SLC35G1: variants seen among roughly 807,000 people sequenced by gnomAD.
SLC35G1 encodes partner of STIM1.
SLC35G1 carries 10 observed loss-of-function variants against 17.1 expected under a neutral mutation model. The observed-to-expected ratio is 0.59, with a 90% CI of 0.36 to 0.99. The LOEUF is 0.99. Ranked by LOEUF, SLC35G1 falls within the 50% of genes least tolerant of loss-of-function variation. The pLI, the probability that SLC35G1 is intolerant of heterozygous loss-of-function variation, is 0.01. For missense variants in SLC35G1, 433 were observed against 468.4 expected (o/e 0.92, Z 0.70); for synonymous variants, 185 against 181.1 (o/e 1.02, Z -0.18).
At chr10:93,909,204 A>G in exon 3 of SLC35G1, 1 of 152,174 alleles carries the variant, frequency 6.6e-6, no homozygotes, top group Non-Finnish European at 1.5e-5. Flanking sequence ...TATTTTCATT[A>G]TATTGATGAG....
rs1224858561 is a variant in SLC35G1 at position 93,901,658 on chromosome 10, CTGTT to C, written c.*171_*174del. ...ATGTCTTTAGTTAAGAATAGCTAGTCTGTTTGGTGTAACAATTTTTTGGTAGCTT... is the reference window on the plus strand; with the variant it reads ...ATGTCTTTAGTTAAGAATAGCTAGTCTGGTGTAACAATTTTTTGGTAGCTT... On this transcript the variant is annotated 3_prime_UTR_variant, in exon 3 of 3. Coordinates refer to ENST00000427197, the MANE Select transcript of SLC35G1 (RefSeq NM_001134658.3). The C allele has an allele frequency of 8.1e-6, 6 of 743,982 alleles. No individual in the cohort carries two copies. Among genetic ancestry groups the C allele is most frequent in the Admixed American group, 3.9e-5 (1 of 25,684 alleles). 46.1% of individuals were successfully genotyped at this position (743,982 alleles called of 1,614,324 possible).
chr10:93,896,638 C>T (rs567734140), intron 1 of SLC35G1, among the ~76,000 whole-genome samples: 3 of 152,170 alleles, frequency 2.0e-5, no homozygotes, highest in Non-Finnish European at 4.4e-5. Flanking sequence ...GCAGCGAGGC[C>T]TTCTAATGTC....
chr10:93,896,152 G>A (rs1421233350), intron 1 of SLC35G1, among the ~76,000 whole-genome samples: 3 of 151,962 alleles, frequency 2.0e-5, no homozygotes, highest in South Asian at 2.1e-4. Context: ...CACCACACCC[G>A]ACTAATTTAA....
chr10:93,899,111 G>A lies in SLC35G1; in HGVS notation c.359+360G>A, dbSNP rs985762296. On this transcript the variant is annotated intron_variant, in intron 2 of 2. Coordinates refer to ENST00000427197, the MANE Select transcript of SLC35G1 (RefSeq NM_001134658.3). ...TGAAAAGAAGTAATAGTGTATCCTAGTATCAGAAGTTTTTTTAGAATGGGC... is the reference window on the plus strand; with the variant it reads ...TGAAAAGAAGTAATAGTGTATCCTAATATCAGAAGTTTTTTTAGAATGGGC... Among the ~76,000 whole-genome samples the A allele has an allele frequency of 5.9e-5, 9 of 152,310 alleles. 1 individual carries two copies. The East Asian group carries it at 1.5e-3, about 26-fold the overall frequency.
intron 2 of SLC35G1, 71 bp from the exon 3 acceptor site, chr10:93,900,681 T>A: frequency 2.4e-6 from 3 of 1,268,208 alleles, no homozygotes; most frequent in Non-Finnish European, 3.2e-6. Flanking sequence ...AAATAATGTT[T>A]AATTACAAAT....
downstream of SLC35G1, among the ~76,000 whole-genome samples, chr10:93,905,940 A>G (rs2060425794): frequency 6.6e-6 from 1 of 152,140 alleles, no homozygotes; most frequent in African/African-American, 2.4e-5. Context: ...TGGGAGCTCC[A>G]TGGTGCAGCA....
At chr10:93,899,307 A>G (rs1343979462) in intron 2 of SLC35G1, among the ~76,000 whole-genome samples, 1 of 152,182 alleles carries the variant, frequency 6.6e-6, no homozygotes, top group African/African-American at 2.4e-5. Context: ...CCAAGGGTCA[A>G]ATAAGATTTA....
intron 1 of SLC35G1, 43 bp from the exon 2 acceptor site, chr10:93,898,528 T>C: frequency 3.8e-6 from 6 of 1,566,536 alleles, no homozygotes. Context: ...TGATAACACA[T>C]ACACTTGGAA....
chr10:93,901,019 C>T lies in SLC35G1; in HGVS notation c.627C>T (p.Ser209=), dbSNP rs148915546. The T allele has an allele frequency of 9.5e-5, 154 of 1,613,940 alleles. 1 individual carries two copies. Among genetic ancestry groups the T allele is most frequent in the South Asian group, 9.2e-4 (84 of 91,062 alleles). The change falls in exon 3 of 3, where the codon TCC becomes TCT. Residue 209 remains serine, a synonymous_variant. Coordinates refer to ENST00000427197, the MANE Select transcript of SLC35G1 (RefSeq NM_001134658.3). ...LIVRPPFLFG[S]DTSGMEESYS... ...TGAGACCACCATTTTTGTTTGGTTCCGACACTTCGGGGATGGAAGAAAGCT... is the reference window on the plus strand; with the variant it reads ...TGAGACCACCATTTTTGTTTGGTTCTGACACTTCGGGGATGGAAGAAAGCT...
rs890690552 is a variant in SLC35G1 at position 93,894,125 on chromosome 10, C to T, written c.92C>T (p.Pro31Leu). 2.2e-5 allele frequency: 32 copies of T among 1,485,184 alleles called. No individual in the cohort carries two copies. Among genetic ancestry groups the T allele is most frequent in the Non-Finnish European group, 2.8e-5 (31 of 1,125,502 alleles). 92.0% of individuals were successfully genotyped at this position (1,485,184 alleles called of 1,614,324 possible). A position where few individuals can be genotyped will look rare whatever the true frequency, so the allele number is the denominator to read the frequency against. The change falls in exon 1 of 3, where the codon CCG becomes CTG. Residue 31 changes from proline to leucine, a missense_variant. By Grantham distance (98) the Pro-to-Leu change is moderately conservative. Coordinates refer to ENST00000427197, the MANE Select transcript of SLC35G1 (RefSeq NM_001134658.3). ...GCACCCCCGGGCGCCACTGAGGAGCCGGCGGCCGCCGAGGCAGCTGGGGCG... is the reference window on the plus strand; with the variant it reads ...GCACCCCCGGGCGCCACTGAGGAGCTGGCGGCCGCCGAGGCAGCTGGGGCG... ...DDAPPGATEE[P>L]AAAEAAGAPD...
Position 93,900,913 on chromosome 10 carries a change from C to T in SLC35G1, c.521C>T (p.Ala174Val). Residue 174 changes from alanine to valine, a missense_variant, in exon 3 of 3, where the codon GCT becomes GTT. Ala to Val is a moderately conservative substitution (Grantham distance 64). Transcript: ENST00000427197. The stretch of plus-strand genomic sequence containing the variant: ...AGTCCAGTGTTTACGTCCATATTTG[C>T]TTGGATATGTCTCAAGGAAAAATAT... ...FSSPVFTSIF[A>V]WICLKEKYSP... The T allele has an allele frequency of 6.2e-7, 1 of 1,614,002 alleles. No homozygotes were observed. Among genetic ancestry groups the T allele is most frequent in the Middle Eastern group, 1.6e-4 (1 of 6,062 alleles).
intron 1 of SLC35G1, among the ~76,000 whole-genome samples, chr10:93,897,086 T>C (rs904568522): frequency 6.6e-6 from 1 of 152,206 alleles, no homozygotes; most frequent in African/African-American, 2.4e-5. Context: ...ATTTCTGCAG[T>C]ATACAAGCAC....
intron 1 of SLC35G1, 22 bp downstream of exon 1, chr10:93,894,233 G>C: frequency 7.5e-7 from 1 of 1,337,450 alleles, no homozygotes; most frequent in East Asian, 3.1e-5. Context: ...GTGTGGATCG[G>C]GCTCTGGTCT....
Position 93,901,538 on chromosome 10 carries a change from A to G in SLC35G1, c.*48A>G. The G allele has an allele frequency of 6.5e-7, 1 of 1,533,058 alleles. No individual in the cohort carries two copies. The highest frequency in any genetic ancestry group is 8.7e-7 in the Non-Finnish European group (1 of 1,142,950). 95.0% of individuals were successfully genotyped at this position (1,533,058 alleles called of 1,614,324 possible). A position where few individuals can be genotyped will look rare whatever the true frequency, so the allele number is the denominator to read the frequency against. On this transcript the variant is annotated 3_prime_UTR_variant, in exon 3 of 3. Transcript: ENST00000427197. ...TTTTTTTCAAGTACACCATCACCTA[A>G]TTCACATACAGCATACGCACACATC... is the stretch of plus-strand genomic sequence containing the variant.
Position 93,894,204 on chromosome 10 carries a change from C to T in SLC35G1, c.171C>T (p.Thr57=). ...LCLSSPCCSR[T]EPEAKKKAPC... is the part of the protein sequence containing the mutation. ...TTTCCTCGCCGTGTTGCTCCCGCACCGAGCCGGGTGAGTGCGCGGTGTGGA... is the reference window on the plus strand; with the variant it reads ...TTTCCTCGCCGTGTTGCTCCCGCACTGAGCCGGGTGAGTGCGCGGTGTGGA... Residue 57 remains threonine (T), a synonymous_variant, in exon 1 of 3, where the codon ACC becomes ACT. Coordinates refer to ENST00000427197, the MANE Select transcript of SLC35G1 (RefSeq NM_001134658.3). The T allele has an allele frequency of 2.1e-6, 3 of 1,398,978 alleles. No individual in the cohort carries two copies. The highest frequency in any genetic ancestry group is 3.1e-5 in the East Asian group (1 of 32,682). 86.7% of individuals were successfully genotyped at this position (1,398,978 alleles called of 1,614,324 possible).
At chr10:93,896,234 G>A (rs1463461630) in intron 1 of SLC35G1, among the ~76,000 whole-genome samples, 1 of 152,104 alleles carries the variant, frequency 6.6e-6, no homozygotes, top group Non-Finnish European at 1.5e-5. Flanking sequence ...GAGCTCAAGA[G>A]ATCCTCCCAC....
rs745941434 is a variant in SLC35G1, at chr10:93,898,584, A to C, written c.192A>C (p.Lys64Asn). Residue 64 changes from lysine (K) to asparagine (N), a missense_variant, in exon 2 of 3, where the codon AAA becomes AAC. Coordinates refer to ENST00000427197, the MANE Select transcript of SLC35G1 (RefSeq NM_001134658.3). ...AATCTTTTTCAGAAGCCAAGAAGAA[A>C]GCACCCTGTCCTGGACTTGGCTTGT... ...CSRTEPEAKK[K>N]APCPGLGLFY... The C allele has an allele frequency of 6.2e-7, 1 of 1,602,156 alleles. No individual in the cohort carries two copies. Among genetic ancestry groups the C allele is most frequent in the Non-Finnish European group, 8.5e-7 (1 of 1,176,964 alleles).
downstream of SLC35G1, among the ~76,000 whole-genome samples, chr10:93,905,345 A>T (rs564529424): frequency 6.6e-6 from 1 of 152,168 alleles, no homozygotes; most frequent in Admixed American, 6.5e-5. Flanking sequence ...TGAAGGTTGG[A>T]TATATGAATC....
rs923161070 is a variant in SLC35G1, at chr10:93,898,587, A to G, written c.195A>G (p.Ala65=). 3.1e-6 allele frequency: 5 copies of G among 1,605,852 alleles called. No homozygotes were observed. Among genetic ancestry groups the G allele is most frequent in the Non-Finnish European group, 4.2e-6 (5 of 1,177,976 alleles). ...CTTTTTCAGAAGCCAAGAAGAAAGC[A>G]CCCTGTCCTGGACTTGGCTTGTTTT... ...SRTEPEAKKK[A]PCPGLGLFYT... Residue 65 remains alanine, a synonymous_variant, in exon 2 of 3, where the codon GCA becomes GCG. Coordinates refer to ENST00000427197, the MANE Select transcript of SLC35G1 (RefSeq NM_001134658.3).
Sources: allele counts gnomAD v4.1 joint callset (sites outside exome capture counted in the v4.1 genomes callset), GRCh38; gene constraint gnomAD v4.1.1; transcripts MANE v1.5; gene names NCBI Gene and HGNC (gene_info 2026-07-23, HGNC 2026-07-21).